ZC3H12B: variants seen among roughly 807,000 people sequenced by gnomAD.
ZC3H12B encodes probable ribonuclease ZC3H12B.
A neutral mutation model predicts 43.9 loss-of-function variants in ZC3H12B; 7 were observed. The ratio of observed to expected loss-of-function variants is 0.16; its 90% confidence interval spans 0.09 to 0.30. The LOEUF (loss-of-function observed/expected upper bound fraction) is 0.30. Ranked by LOEUF, ZC3H12B falls within the 10% of genes least tolerant of loss-of-function variation. ZC3H12B has a pLI of 1.00. For missense variants in ZC3H12B, 475 were observed against 670.2 expected (o/e 0.71, Z 3.22); for synonymous variants, 222 against 241.7 (o/e 0.92, Z 0.76).
chrX:65,105,869 G>C, the ZC3H12B span, among the ~76,000 whole-genome samples: 1 of 111,553 alleles, frequency 9.0e-6, no homozygotes, highest in Non-Finnish European at 1.9e-5. Flanking sequence ...TTCCCATGGG[G>C]TGACACTGCA....
chrX:65,039,512 C>T, the ZC3H12B span, among the ~76,000 whole-genome samples: 1 of 111,594 alleles, frequency 9.0e-6, no homozygotes, highest in Admixed American at 9.5e-5. Context: ...TTACATAGCT[C>T]CTCATTATGC....
At chrX:65,392,394 C>A (rs948067062) in intron 2 of ZC3H12B, among the ~76,000 whole-genome samples, 2 of 109,806 alleles carry the variant, frequency 1.8e-5, no homozygotes, top group African/African-American at 6.6e-5. Flanking sequence ...CATCTGGGAA[C>A]TGAGGAGCGC....
At chrX:65,306,804 G>T in the ZC3H12B span, among the ~76,000 whole-genome samples, 10 of 112,449 alleles carry the variant, frequency 8.9e-5, no homozygotes, top group Admixed American at 2.8e-4. Context: ...AATAAGAAAG[G>T]TGTTGTATAT....
the ZC3H12B span, among the ~76,000 whole-genome samples, chrX:65,212,428 TTA>T: frequency 1.9e-5 from 1 of 52,136 alleles, no homozygotes; most frequent in African/African-American, 1.9e-4. Flanking sequence ...TGTAATATAA[TTA>T]TTATATATTA....
At chrX:65,344,720 G>T in the ZC3H12B span, among the ~76,000 whole-genome samples, 1 of 112,163 alleles carries the variant, frequency 8.9e-6, no homozygotes, top group Non-Finnish European at 1.9e-5. Flanking sequence ...TGAAAACTGA[G>T]ATATAAACTA....
chrX:65,076,677 T>C, the ZC3H12B span, among the ~76,000 whole-genome samples: 1 of 110,605 alleles, frequency 9.0e-6, no homozygotes, highest in Admixed American at 9.7e-5. Context: ...TAATCTAGTA[T>C]TGAGTCCATC....
intron 2 of ZC3H12B, among the ~76,000 whole-genome samples, chrX:65,386,885 G>A (rs1427214149): frequency 9.0e-6 from 1 of 111,491 alleles, no homozygotes; most frequent in Non-Finnish European, 1.9e-5. Flanking sequence ...CTTTATTTCT[G>A]CCTTCATTTT....
the ZC3H12B span, among the ~76,000 whole-genome samples, chrX:65,142,811 C>G: frequency 8.9e-6 from 1 of 112,111 alleles, no homozygotes; most frequent in Non-Finnish European, 1.9e-5. Context: ...TTGGCTGTAA[C>G]TATTTGGCTT....
At chrX:65,171,193 AT>A in the ZC3H12B span, among the ~76,000 whole-genome samples, 1 of 110,621 alleles carries the variant, frequency 9.0e-6, no homozygotes, top group Non-Finnish European at 1.9e-5. Flanking sequence ...TTTGTCTTTG[AT>A]GATGGTGAAG....
At chrX:65,190,043 A>C in the ZC3H12B span, among the ~76,000 whole-genome samples, 1 of 111,670 alleles carries the variant, frequency 9.0e-6, no homozygotes, top group Non-Finnish European at 1.9e-5. Flanking sequence ...AGCACCATTT[A>C]TTAAATAGGG....
the ZC3H12B span, among the ~76,000 whole-genome samples, chrX:65,225,541 T>G: frequency 2.7e-5 from 3 of 111,642 alleles, no homozygotes; most frequent in Non-Finnish European, 5.7e-5. Context: ...CTTTGACGAG[T>G]TGAGAGAAGA....
At chrX:65,069,199 C>T in the ZC3H12B span, among the ~76,000 whole-genome samples, 1 of 107,041 alleles carries the variant, frequency 9.3e-6, no homozygotes, top group South Asian at 4.2e-4. Flanking sequence ...GTTATTATCG[C>T]TATGAATCAA....
At chrX:65,130,014 A>T in the ZC3H12B span, among the ~76,000 whole-genome samples, 2 of 111,754 alleles carry the variant, frequency 1.8e-5, no homozygotes, top group Non-Finnish European at 3.8e-5. Context: ...AGAAACAGAT[A>T]TTAAAGGACT....
At chrX:65,062,029 ATTTG>A in the ZC3H12B span, among the ~76,000 whole-genome samples, 10 of 111,844 alleles carry the variant, frequency 8.9e-5, no homozygotes, top group East Asian at 2.5e-3. Context: ...TTTCTTGTAA[ATTTG>A]TTTAAGTTCC....
At chrX:65,349,513 C>A in the ZC3H12B span, among the ~76,000 whole-genome samples, 1 of 111,040 alleles carries the variant, frequency 9.0e-6, no homozygotes. Context: ...ATAACTAAGA[C>A]CAGAGCAGAA....
the ZC3H12B span, among the ~76,000 whole-genome samples, chrX:65,222,299 A>T: frequency 9.0e-6 from 1 of 111,139 alleles, no homozygotes; most frequent in Non-Finnish European, 1.9e-5. Flanking sequence ...CAAGACAAGG[A>T]TGTTCACTTT....
At chrX:65,382,375 A>G (rs1369346489) in intron 2 of ZC3H12B, among the ~76,000 whole-genome samples, 2 of 111,004 alleles carry the variant, frequency 1.8e-5, no homozygotes, top group Admixed American at 9.6e-5. Context: ...CAATAGATGC[A>G]GAAAAGGCCT....
chrX:65,333,685 A>G, the ZC3H12B span, among the ~76,000 whole-genome samples: 1 of 111,521 alleles, frequency 9.0e-6, no homozygotes, highest in East Asian at 2.8e-4. Context: ...ACAATTTCCA[A>G]AGTTATCAGA....
At chrX:65,037,135 G>A in the ZC3H12B span, among the ~76,000 whole-genome samples, 3 of 110,477 alleles carry the variant, frequency 2.7e-5, no homozygotes, top group Non-Finnish European at 3.8e-5. Context: ...GTAAATTACC[G>A]ATGGGTAAAT....
Sources: gnomAD v4.1 joint callset for allele counts (sites outside exome capture counted in the v4.1 genomes callset) on GRCh38, gnomAD v4.1.1 for gene constraint, MANE v1.5 for transcripts, NCBI Gene and HGNC (gene_info 2026-07-23, HGNC 2026-07-21) for gene names.